Variants in IREB2 observed in about 807,000 individuals in gnomAD.
The protein encoded by IREB2 is iron responsive element binding protein 2.
IREB2 carries 39 observed loss-of-function variants against 118.8 expected under a neutral mutation model. The observed-to-expected ratio is 0.33, with a 90% CI of 0.25 to 0.43. IREB2 has a LOEUF of 0.43. IREB2 is among the 20% of genes least tolerant of loss of function. The pLI, the probability that IREB2 is intolerant of heterozygous loss-of-function variation, is 1.00. For missense variants in IREB2, 900 were observed against 1,147.3 expected (o/e 0.78, Z 3.11); for synonymous variants, 372 against 392.2 (o/e 0.95, Z 0.61).
At chr15:78,454,358 A>C (rs2051072148) in intron 2 of IREB2, among the ~76,000 whole-genome samples, 1 of 152,236 alleles carries the variant, frequency 6.6e-6, no homozygotes, top group African/African-American at 2.4e-5. Context: ...AAAGAAATTG[A>C]CTACAGATAC....
upstream of IREB2, chr15:78,438,068 A>C: frequency 2.0e-6 from 1 of 491,284 alleles, no homozygotes; most frequent in Non-Finnish European, 3.7e-6. Flanking sequence ...TCGCGAGAAC[A>C]GCGGCGACGG....
At chr15:78,449,705 A>G (rs771348599) in intron 2 of IREB2, among the ~76,000 whole-genome samples, 3 of 152,238 alleles carry the variant, frequency 2.0e-5, no homozygotes, top group Non-Finnish European at 2.9e-5. Context: ...TAATCTTTGC[A>G]GCAGCTATTT....
chr15:78,462,937 C>A lies in IREB2; in HGVS notation c.122C>A (p.Ser41Ter). Reference sequence around the variant, plus strand: ...CTTGAATCAGATGTTCTGCCTTACTCAATACGGGTCTTGTTGGAAGCTGCT... The same window carrying A: ...CTTGAATCAGATGTTCTGCCTTACTAAATACGGGTCTTGTTGGAAGCTGCT... Reference protein sequence around the residue: ...LGTKYDVLPYSIRVLLEAAVR... With the variant: ...LGTKYDVLPY Residue 41 changes from serine (S) to a stop codon, truncating the protein, a stop_gained, in exon 3 of 22, where the codon TCA becomes TAA. Transcript: ENST00000258886. LOFTEE classifies it high-confidence loss of function. 1.2e-6 allele frequency: 2 copies of A among 1,608,124 alleles called. No individual in the cohort carries two copies. Among genetic ancestry groups the A allele is most frequent in the South Asian group, 1.1e-5 (1 of 89,990 alleles).
At chr15:78,443,161 G>C (rs2050871730) in intron 2 of IREB2, among the ~76,000 whole-genome samples, 1 of 152,160 alleles carries the variant, frequency 6.6e-6, no homozygotes, top group Admixed American at 6.5e-5. Context: ...AGGCACAGTA[G>C]AGATTAATAA....
In IREB2 at chr15:78,476,338, T is replaced by A; in HGVS notation, c.1174T>A (p.Leu392Ile). Residue 392 changes from leucine (L) to isoleucine (I), a missense_variant, in exon 9 of 22, where the codon TTA (leucine) becomes ATA (isoleucine). Coordinates refer to ENST00000258886, the MANE Select transcript of IREB2 (RefSeq NM_004136.4). ...CTTTTTCCCTGTTGACAATGTGACATTAAAACATTTAGAACATACAGGTAA... is the reference window on the plus strand; with the variant it reads ...CTTTTTCCCTGTTGACAATGTGACAATAAAACATTTAGAACATACAGGTAA... ...LSFFPVDNVT[L>I]KHLEHTGFSK... is the part of the protein sequence containing the mutation. 6.3e-7 allele frequency: 1 copy of A among 1,583,454 alleles called. No individual in the cohort carries two copies. The highest frequency in any genetic ancestry group is 8.6e-7 in the Non-Finnish European group (1 of 1,157,898).
chr15:78,472,392 C>T (rs528112906), intron 7 of IREB2, among the ~76,000 whole-genome samples: 1 of 150,966 alleles, frequency 6.6e-6, no homozygotes, highest in Non-Finnish European at 1.5e-5. Context: ...TTGGAGACAG[C>T]ATCTTGCTCT....
At chr15:78,492,395 C>A (rs570112465) in intron 18 of IREB2, among the ~76,000 whole-genome samples, 2 of 79,808 alleles carry the variant, frequency 2.5e-5, no homozygotes, top group South Asian at 4.8e-4. Context: ...AATAAAATTA[C>A]AAAGATTACC....
intron 2 of IREB2, among the ~76,000 whole-genome samples, chr15:78,445,143 T>TTA (rs1414715710): frequency 0.015 from 2,197 of 151,378 alleles, 23 homozygotes; most frequent in South Asian, 0.025. Context: ...TTTATTTTTT[T>TTA]TTTTTTTTTT....
At chr15:78,480,095 G>A (rs984699575) in intron 10 of IREB2, 3 of 152,136 alleles carry the variant, frequency 2.0e-5, no homozygotes, top group Non-Finnish European at 4.4e-5. Flanking sequence ...AGGAACTTTG[G>A]TTTGGTATTG....
In IREB2 at chr15:78,471,843, A is replaced by G. The variant is rs773801769; in HGVS notation, c.802A>G (p.Lys268Glu). The change falls in exon 7 of 22, where the codon AAA becomes GAA. Residue 268 changes from lysine (K) to glutamate (E), a missense_variant. By Grantham distance (56) the Lys-to-Glu change is moderately conservative (BLOSUM62 1). Transcript: ENST00000258886. ...EYLSRVVFEE[K>E]DLLFPDSVVG... ...TTTGTCAAGAGTGGTTTTTGAAGAA[A>G]AAGACCTCCTCTTCCCAGACAGTGT... The G allele has an allele frequency of 6.2e-7, 1 of 1,613,760 alleles. No homozygotes were observed. Among genetic ancestry groups the G allele is most frequent in the Non-Finnish European group, 8.5e-7 (1 of 1,179,844 alleles).
chr15:78,468,700 T>C (rs2051326390), intron 5 of IREB2, among the ~76,000 whole-genome samples: 1 of 152,216 alleles, frequency 6.6e-6, no homozygotes, highest in Admixed American at 6.5e-5. Flanking sequence ...ATCTTCCAAA[T>C]TCTGTCTAGT....
At chr15:78,476,017 A>G (rs927175661) in intron 8 of IREB2, 171 bp from the exon 9 acceptor site, 2 of 467,918 alleles carry the variant, frequency 4.3e-6, no homozygotes, top group African/African-American at 1.9e-5. Flanking sequence ...TTTACTTCTT[A>G]TCTTAAAATA....
intron 13 of IREB2, among the ~76,000 whole-genome samples, chr15:78,487,011 C>A (rs545639556): frequency 2.3e-4 from 35 of 152,164 alleles, no homozygotes; most frequent in Non-Finnish European, 3.2e-4. Flanking sequence ...TATGAGTCAT[C>A]AATTCCATTG....
chr15:78,485,315 C>T (rs1397463511), intron 12 of IREB2, among the ~76,000 whole-genome samples: 6 of 152,118 alleles, frequency 3.9e-5, no homozygotes, highest in South Asian at 2.1e-4. Context: ...TTTGTATGCC[C>T]ATTGGAACAA....
chr15:78,492,785 C>T (rs1463554673), intron 18 of IREB2, among the ~76,000 whole-genome samples: 1 of 152,154 alleles, frequency 6.6e-6, no homozygotes, highest in Non-Finnish European at 1.5e-5. Context: ...GTCTCCAACA[C>T]ATGGGCTCGA....
intron 18 of IREB2, among the ~76,000 whole-genome samples, chr15:78,492,362 C>CAAAAATTACCAAGATTACCA (rs6145642): frequency 0.42 from 62,886 of 150,732 alleles, 13,335 homozygotes; most frequent in East Asian, 0.51. Flanking sequence ...ACAATTTTAC[C>CAAAAATTACCAAGATTACCA]AAAAATTACC....
At chr15:78,492,805 C>T (rs1274236974) in intron 18 of IREB2, among the ~76,000 whole-genome samples, 1 of 152,166 alleles carries the variant, frequency 6.6e-6, no homozygotes, top group Non-Finnish European at 1.5e-5. Context: ...AGCATTCCTC[C>T]CACTTTGGCC....
chr15:78,444,851 C>T (rs2050902064), intron 2 of IREB2, among the ~76,000 whole-genome samples: 1 of 152,010 alleles, frequency 6.6e-6, no homozygotes, highest in Non-Finnish European at 1.5e-5. Context: ...AGTCAGGGAG[C>T]TTGAGTTCAG....
chr15:78,467,070 T>A (rs907896261), intron 5 of IREB2, among the ~76,000 whole-genome samples: 11 of 151,238 alleles, frequency 7.3e-5, no homozygotes, highest in Non-Finnish European at 1.3e-4. Flanking sequence ...ATTACCCGGG[T>A]GTGGTGTCGC....
Sources: allele counts gnomAD v4.1 joint callset (sites outside exome capture counted in the v4.1 genomes callset), GRCh38; gene constraint gnomAD v4.1.1; transcripts MANE v1.5; gene names NCBI Gene and HGNC (gene_info 2026-07-23, HGNC 2026-07-21).